The following GPC3 variants were observed in gnomAD, a reference collection of about 807,000 sequenced individuals.
GPC3 encodes glypican 3, also known as glypican-3.
A neutral mutation model predicts 34.4 loss-of-function variants in GPC3; 3 were observed. The ratio of observed to expected loss-of-function variants is 0.09; its 90% CI spans 0.04 to 0.23. The LOEUF (loss-of-function observed/expected upper bound fraction) is 0.23. Among genes scored for constraint, GPC3 ranks in the 10% least tolerant of loss-of-function variants. GPC3 has a pLI of 1.00. For missense variants in GPC3, 351 were observed against 445.6 expected (o/e 0.79, Z 1.91); for synonymous variants, 177 against 174.0 (o/e 1.02, Z -0.13).
chrX:133,776,924 C>T (rs892857897), intron 2 of GPC3, among the ~76,000 whole-genome samples: 12 of 99,193 alleles, frequency 1.2e-4, no homozygotes, highest in East Asian at 3.1e-4. Context: ...CTGTCGCCCG[C>T]GCTGGAGTGC....
chrX:133,870,479 T>C lies in GPC3; in HGVS notation c.337+82571A>G, dbSNP rs137867483. On this transcript the variant is annotated intron_variant, in intron 2 of 7. Coordinates refer to ENST00000370818, the MANE Select transcript of GPC3 (RefSeq NM_004484.4). The stretch of plus-strand genomic sequence containing the variant: ...ATTGTTTAACAAGCCTTTTTATTTA[T>C]ACTTTGCTGACTACTTGTCATTTCC... Among the ~76,000 whole-genome samples the C allele has an allele frequency of 4.5e-5, 5 of 112,061 alleles. No individual in the cohort carries two copies. The East Asian group carries it at 1.4e-3, about 31-fold the overall frequency.
chrX:133,638,861 T>G (rs1223631249), intron 6 of GPC3, among the ~76,000 whole-genome samples: 1 of 108,195 alleles, frequency 9.2e-6, no homozygotes, highest in Non-Finnish European at 1.9e-5. Flanking sequence ...AGAAATCTCA[T>G]AATGTTTTAA....
Position 133,824,888 on chromosome X carries a change from G to A in GPC3, c.338-70712C>T, listed in dbSNP as rs374570295. The stretch of plus-strand genomic sequence containing the variant: ...TTTTGAGACGGAGTCTCGCTCTGTC[G>A]CCCGGGCTGGAGTGCAGTGGCGCGA... On this transcript the variant is annotated intron_variant, in intron 2 of 7. Coordinates refer to ENST00000370818, the MANE Select transcript of GPC3 (RefSeq NM_004484.4). 1.8e-4 allele frequency among the ~76,000 whole-genome samples: 20 copies of A among 112,101 alleles called. No individual in the cohort carries two copies. In the East Asian group the frequency reaches 2.5e-3, roughly 14 times the overall value.
In GPC3 at chrX:133,618,500, C is replaced by T. The variant is rs767220129; in HGVS notation, c.1414-21901G>A. On this transcript the variant is annotated intron_variant, in intron 6 of 7. Transcript: ENST00000370818. ...CACATGCAAAAGAGTACATTTGGATCCCTATCTAATACCATATACAAAAAT... is the reference window on the plus strand; with the variant it reads ...CACATGCAAAAGAGTACATTTGGATTCCTATCTAATACCATATACAAAAAT... 1.4e-3 allele frequency among the ~76,000 whole-genome samples: 160 copies of T among 110,448 alleles called. 2 individuals are homozygous for T. Among genetic ancestry groups the T allele is most frequent in the Non-Finnish European group, 2.1e-3 (113 of 52,828 alleles).
At chrX:133,982,468 G>T (rs949437828) in intron 1 of GPC3, among the ~76,000 whole-genome samples, 1 of 112,186 alleles carries the variant, frequency 8.9e-6, no homozygotes, top group Admixed American at 9.4e-5. Context: ...GGGAACATGA[G>T]ATTGTAAGGC....
chrX:133,758,977 A>G, intron 2 of GPC3, among the ~76,000 whole-genome samples: 1 of 111,151 alleles, frequency 9.0e-6, no homozygotes, highest in East Asian at 2.8e-4. Context: ...TCCCCTTAAC[A>G]TCAGGAACTA....
At position 133,904,196 on chromosome X, in the gene GPC3, C is replaced by G. The variant is rs767924762; in HGVS notation, c.337+48854G>C. 1.4e-4 allele frequency among the ~76,000 whole-genome samples: 16 copies of G among 111,970 alleles called. No individual in the cohort carries two copies. The East Asian group carries it at 4.5e-3, about 31-fold the overall frequency. On this transcript the variant is annotated intron_variant, in intron 2 of 7. Transcript: ENST00000370818. The stretch of plus-strand genomic sequence containing the variant: ...CGTAATGAGAGAGCTTAGTGCCAAC[C>G]CGTTCACTCTCTCATCATTTTTTTT...
chrX:133,951,776 C>A (rs1335348629), intron 2 of GPC3, among the ~76,000 whole-genome samples: 2 of 111,689 alleles, frequency 1.8e-5, no homozygotes, highest in Non-Finnish European at 3.8e-5. Flanking sequence ...AACCTAATAC[C>A]CCCTGAGGCT....
intron 3 of GPC3, among the ~76,000 whole-genome samples, chrX:133,710,016 C>A (rs985089618): frequency 8.1e-5 from 9 of 111,789 alleles, no homozygotes; most frequent in Non-Finnish European, 1.5e-4. Flanking sequence ...TTTCTTTCCT[C>A]ACCTTTCAGA....
intron 2 of GPC3, among the ~76,000 whole-genome samples, chrX:133,765,429 A>G (rs1176569359): frequency 8.9e-6 from 1 of 112,167 alleles, no homozygotes; most frequent in Admixed American, 9.4e-5. Context: ...CTGCACCTTA[A>G]AAAAGGAATA....
Position 133,795,794 on chromosome X carries a change from A to G in GPC3, c.338-41618T>C, listed in dbSNP as rs1485971271. Reference sequence around the variant, plus strand: ...GACTGGCCCTCTCATAAGAGTCTCCAAGTAAACAATCATCATCAATATAGT... The same window carrying G: ...GACTGGCCCTCTCATAAGAGTCTCCGAGTAAACAATCATCATCAATATAGT... On this transcript the variant is annotated intron_variant, in intron 2 of 7. Transcript: ENST00000370818. 6.3e-5 allele frequency among the ~76,000 whole-genome samples: 7 copies of G among 110,851 alleles called. No individual in the cohort carries two copies. In the Admixed American group the frequency reaches 6.8e-4, roughly 11 times the overall value.
intron 2 of GPC3, among the ~76,000 whole-genome samples, chrX:133,869,910 A>G (rs1465754637): frequency 8.9e-6 from 1 of 112,461 alleles, no homozygotes; most frequent in African/African-American, 3.2e-5. Context: ...AGCCGAGATC[A>G]CGCCTCTGCA....
At chrX:133,633,832 T>C (rs761987068) in intron 6 of GPC3, among the ~76,000 whole-genome samples, 1 of 111,962 alleles carries the variant, frequency 8.9e-6, no homozygotes, top group Non-Finnish European at 1.9e-5. Flanking sequence ...GTTCAATGAA[T>C]TGCTATGGAC....
At chrX:133,686,768 AACACACACACACACAC>A (rs762283767) in intron 5 of GPC3, among the ~76,000 whole-genome samples, 1 of 98,024 alleles carries the variant, frequency 1.0e-5, no homozygotes, top group East Asian at 3.2e-4. Flanking sequence ...ATTTTACCTC[AACACACACACACACAC>A]ACACACACAC....
At chrX:133,883,624 T>C (rs1055502910) in intron 2 of GPC3, among the ~76,000 whole-genome samples, 2 of 111,570 alleles carry the variant, frequency 1.8e-5, no homozygotes, top group African/African-American at 6.5e-5. Flanking sequence ...AGCAACTCTA[T>C]TGGGGTAGAA....
chrX:133,860,849 C>G (rs1200653720), intron 2 of GPC3, among the ~76,000 whole-genome samples: 4 of 111,745 alleles, frequency 3.6e-5, no homozygotes. Flanking sequence ...TGCCTGTAAT[C>G]CTAGCACTTT....
At chrX:133,947,220 G>A (rs996676797) in intron 2 of GPC3, among the ~76,000 whole-genome samples, 1 of 111,317 alleles carries the variant, frequency 9.0e-6, no homozygotes, top group Admixed American at 9.6e-5. Context: ...AATGTGCTTT[G>A]TTGAGCCCAC....
chrX:133,611,049 G>A (rs1281205235), intron 6 of GPC3, among the ~76,000 whole-genome samples: 3 of 110,152 alleles, frequency 2.7e-5, no homozygotes, highest in African/African-American at 6.6e-5. Flanking sequence ...GATAACACAG[G>A]AGAATCAGTT....
intron 2 of GPC3, among the ~76,000 whole-genome samples, chrX:133,822,230 G>A (rs2075723142): frequency 8.9e-6 from 1 of 111,835 alleles, no homozygotes; most frequent in African/African-American, 3.3e-5. Context: ...CTACTCACCC[G>A]TTAATCACTT....
Sources: gnomAD v4.1 joint callset for allele counts (sites outside exome capture counted in the v4.1 genomes callset) on GRCh38, gnomAD v4.1.1 for gene constraint, MANE v1.5 for transcripts, NCBI Gene and HGNC (gene_info 2026-07-23, HGNC 2026-07-21) for gene names.